PHC2: variants seen among roughly 807,000 people sequenced by gnomAD.
The protein encoded by PHC2 is polyhomeotic homolog 2.
Under a neutral mutation model 87.4 loss-of-function variants are expected in PHC2, and 29 were observed. The ratio of observed to expected loss-of-function variants is 0.33; its 90% CI spans 0.25 to 0.45. The LOEUF (loss-of-function observed/expected upper bound fraction) is 0.45, where lower values mean the gene tolerates loss of function less well. Ranked by LOEUF, PHC2 falls within the 20% of genes least tolerant of loss-of-function variation. PHC2 has a pLI of 1.00. For missense variants in PHC2, 857 were observed against 1,136.7 expected (o/e 0.75, Z 3.54); for synonymous variants, 438 against 461.7 (o/e 0.95, Z 0.66).
chr1:33,416,402 C>T (rs1484958033), intron 1 of PHC2, among the ~76,000 whole-genome samples: 4 of 144,746 alleles, frequency 2.8e-5, no homozygotes, highest in Non-Finnish European at 4.6e-5. Flanking sequence ...CCCGTCTCTA[C>T]TAAAAATACA....
rs1286450880 is a variant in PHC2, at chr1:33,372,584, A to G, written c.175-137T>C. ...AGATCTGTGACCACCACCACAGCCA[A>G]TTGTGGCCACTCTCTAGGGCAGTGG... On this transcript the variant is annotated intron_variant, in intron 2 of 14. Transcript: ENST00000683057. 12 of 547,794 alleles carry G rather than the reference A, an allele frequency of 2.2e-5. No homozygotes were observed. In the South Asian group the frequency reaches 2.7e-4, roughly 12 times the overall value. 33.9% of individuals were successfully genotyped at this position (547,794 alleles called of 1,614,324 possible). A position where few individuals can be genotyped will look rare whatever the true frequency, so the allele number is the denominator to read the frequency against.
chr1:33,386,592 A>C (rs1164580546), intron 1 of PHC2, among the ~76,000 whole-genome samples: 1 of 152,036 alleles, frequency 6.6e-6, no homozygotes, highest in Admixed American at 6.5e-5. Context: ...CTGCTACCCA[A>C]ACTGAGATGG....
At chr1:33,336,710 A>G (rs1183744903) in intron 9 of PHC2, 1 of 152,198 alleles carries the variant, frequency 6.6e-6, no homozygotes, top group African/African-American at 2.4e-5. Flanking sequence ...CCTCTACGGG[A>G]TGGTCGTCCT....
rs60725677 is a variant in PHC2 at position 33,356,249 on chromosome 1, TTATATATATA to T, written c.977-1006_977-997del. On this transcript the variant is annotated intron_variant, in intron 7 of 14. Coordinates refer to ENST00000683057, the MANE Select transcript of PHC2 (RefSeq NM_001385109.1). ...GGCTGACTCTTTGAGGTGAAAATTC[TTATATATATA>T]TATATATATATATATATGTATATAT... Among the ~76,000 whole-genome samples, 51 of 101,544 alleles carry T rather than the reference TTATATATATA, an allele frequency of 5.0e-4. 1 individual carries two copies. The highest frequency in any genetic ancestry group is 1.5e-3 in the African/African-American group (46 of 31,402). 66.6% of individuals were successfully genotyped at this position (101,544 alleles called of 152,430 possible).
chr1:33,375,297 C>T lies in PHC2; in HGVS notation c.174+69G>A, dbSNP rs1032938424. 3.0e-6 allele frequency: 4 copies of T among 1,318,834 alleles called. No individual in the cohort carries two copies. The African/African-American group carries it at 6.0e-5, about 20-fold the overall frequency. The allele number at this position is 1,318,834 out of a possible 1,614,324, so 81.7% of individuals were successfully genotyped here. A position where few individuals can be genotyped will look rare whatever the true frequency, so the allele number is the denominator to read the frequency against. ...TCTAGATTATCCCACCAGACCATGC[C>T]AACACCTCCTCCTTGCTAGCCCTGG... On this transcript the variant is annotated intron_variant, in intron 2 of 14. Transcript: ENST00000683057.
intron 1 of PHC2, 90 bp from the exon 2 acceptor site, chr1:33,375,683 A>G (rs777528454): frequency 6.4e-5 from 50 of 783,258 alleles, no homozygotes; most frequent in Non-Finnish European, 8.8e-5. Flanking sequence ...TGGGTTCCAC[A>G]TCCATGGATT....
chr1:33,411,645 C>G (rs1649987465), intron 1 of PHC2, among the ~76,000 whole-genome samples: 1 of 152,108 alleles, frequency 6.6e-6, no homozygotes, highest in African/African-American at 2.4e-5. Flanking sequence ...ACTGTGACTT[C>G]TGCCTTCTGG....
chr1:33,334,398 G>A lies in PHC2; in HGVS notation c.1559-106C>T. 3 of 981,956 alleles carry A rather than the reference G, an allele frequency of 3.1e-6. No homozygotes were observed. Among genetic ancestry groups the A allele is most frequent in the Non-Finnish European group, 4.6e-6 (3 of 649,836 alleles). The allele number at this position is 981,956 out of a possible 1,614,324, so 60.8% of individuals were successfully genotyped here. ...AACTGCGCCCGGCTTTTACCGTGGG[G>A]CCAAGCGACAATGCAAACCAAGCAG... On this transcript the variant is annotated intron_variant, in intron 9 of 14. Coordinates refer to ENST00000683057, the MANE Select transcript of PHC2 (RefSeq NM_001385109.1). This position sits in a 1 kb window ranked among gnomAD's most constrained non-coding sequence, Gnocchi z 5.5.
intron 1 of PHC2, among the ~76,000 whole-genome samples, chr1:33,425,429 A>T (rs1230137073): frequency 2.6e-5 from 4 of 152,240 alleles, no homozygotes; most frequent in African/African-American, 9.6e-5. Context: ...TCTTTTAACA[A>T]CCATTTACTG....
intron 1 of PHC2, among the ~76,000 whole-genome samples, chr1:33,378,583 G>A (rs903605886): frequency 3.9e-5 from 6 of 152,222 alleles, no homozygotes; most frequent in Middle Eastern, 3.2e-3. Context: ...TCTACATCCT[G>A]GATGATCAAG....
intron 1 of PHC2, among the ~76,000 whole-genome samples, chr1:33,422,732 C>G (rs1650480045): frequency 6.6e-6 from 1 of 152,174 alleles, no homozygotes; most frequent in Non-Finnish European, 1.5e-5. Context: ...GTTCTGCCCT[C>G]TTATTCTAAT....
At chr1:33,419,612 CTT>C (rs909849642) in intron 1 of PHC2, among the ~76,000 whole-genome samples, 1 of 151,974 alleles carries the variant, frequency 6.6e-6, no homozygotes, top group Non-Finnish European at 1.5e-5. Flanking sequence ...GCCTCTCTCT[CTT>C]TCTTATTTTT....
rs932687327 is a variant in PHC2 at position 33,382,731 on chromosome 1, G to A, written c.-54-7138C>T. Reference sequence around the variant, plus strand: ...ATTACAGGTCTCTGCTGCCCACAGGGCCTGAGACCAGCAGCTGGAGAAACG... The same window carrying A: ...ATTACAGGTCTCTGCTGCCCACAGGACCTGAGACCAGCAGCTGGAGAAACG... On this transcript the variant is annotated intron_variant, in intron 1 of 14. Transcript: ENST00000683057. The surrounding 1 kb of genome is among the most constrained non-coding windows in gnomAD (Gnocchi z 4.3). 6.6e-6 allele frequency among the ~76,000 whole-genome samples: 1 copy of A among 152,202 alleles called. No individual in the cohort carries two copies. Among genetic ancestry groups the A allele is most frequent in the African/African-American group, 2.4e-5 (1 of 41,444 alleles).
chr1:33,393,482 T>C (rs1207619693), intron 1 of PHC2, among the ~76,000 whole-genome samples: 1 of 150,430 alleles, frequency 6.6e-6, no homozygotes, highest in East Asian at 2.0e-4. Context: ...TTTTTTTTTT[T>C]CTTCCAACAA....
chr1:33,349,310 T>C lies in PHC2; in HGVS notation c.1558+5091A>G. 3.0e-6 allele frequency: 3 copies of C among 984,888 alleles called. No individual in the cohort carries two copies. Among genetic ancestry groups the C allele is most frequent in the Non-Finnish European group, 3.6e-6 (3 of 829,780 alleles). 61.0% of individuals were successfully genotyped at this position (984,888 alleles called of 1,614,324 possible). A position where few individuals can be genotyped will look rare whatever the true frequency, so the allele number is the denominator to read the frequency against. ...CAGCGGCGGGGAGGCCGGTCCTAGGTTGGGGCTGGGGTGGGGTGTGCGGGG... is the reference window on the plus strand; with the variant it reads ...CAGCGGCGGGGAGGCCGGTCCTAGGCTGGGGCTGGGGTGGGGTGTGCGGGG... On this transcript the variant is annotated intron_variant, in intron 9 of 14. Transcript: ENST00000683057. This position sits in a 1 kb window ranked among gnomAD's most constrained non-coding sequence, Gnocchi z 4.2.
In PHC2 at chr1:33,371,017, C is replaced by G. The variant is rs893588767; in HGVS notation, c.411G>C (p.Ser137=). The G allele has an allele frequency of 1.2e-6, 2 of 1,613,516 alleles. No individual in the cohort carries two copies. Among genetic ancestry groups the G allele is most frequent in the Admixed American group, 1.7e-5 (1 of 60,022 alleles). ...VSAQAPAQSS[S]INLAASPAAA... ...GCTGCTGCTCCCCCATTCTACTCAC[C>G]GAAGATGACTGGGCCGGGGCCTGCG... Residue 137 remains serine (S), a splice_region_variant and synonymous_variant, in exon 4 of 15, where the codon TCG becomes TCC. Transcript: ENST00000683057.
At chr1:33,391,942 T>C (rs1236229779) in intron 1 of PHC2, among the ~76,000 whole-genome samples, 1 of 152,102 alleles carries the variant, frequency 6.6e-6, no homozygotes, top group African/African-American at 2.4e-5. Context: ...GGCAGGGTCA[T>C]TGCTAGGGAG....
At chr1:33,340,452 C>T (rs549407602) in intron 9 of PHC2, among the ~76,000 whole-genome samples, 7 of 152,278 alleles carry the variant, frequency 4.6e-5, no homozygotes, top group Non-Finnish European at 2.9e-5. Context: ...CAGAGTGATG[C>T]CCAGTTAAAC....
At position 33,331,087 on chromosome 1, in the gene PHC2, G is replaced by A. The variant is rs551417970; in HGVS notation, c.2006+261C>T. ...TCAATGCTAGGAAAGGCGAATGGGT[G>A]CCAGTGGAGCCCAGGAGGGCCAGCC... On this transcript the variant is annotated intron_variant, in intron 12 of 14. Transcript: ENST00000683057. The surrounding 1 kb of genome is among the most constrained non-coding windows in gnomAD (Gnocchi z 5.2). Among the ~76,000 whole-genome samples, 6 of 152,306 alleles carry A rather than the reference G, an allele frequency of 3.9e-5. No individual in the cohort carries two copies. In the South Asian group the frequency reaches 1.2e-3, roughly 32 times the overall value.
Sources: allele counts gnomAD v4.1 joint callset (sites outside exome capture counted in the v4.1 genomes callset), GRCh38; gene constraint gnomAD v4.1.1; non-coding constraint Gnocchi (gnomAD v3.1); transcripts MANE v1.5; gene names NCBI Gene and HGNC (gene_info 2026-07-23, HGNC 2026-07-21).